Variants in CNKSR2 observed in about 807,000 individuals in gnomAD.
CNKSR2 encodes connector enhancer of kinase suppressor of Ras 2, also known as CNK homolog protein 2.
A neutral mutation model predicts 84.4 loss-of-function variants in CNKSR2; 14 were observed. The observed-to-expected ratio is 0.17, with a 90% CI of 0.11 to 0.26. The LOEUF (loss-of-function observed/expected upper bound fraction) is 0.26, where lower values mean the gene tolerates loss of function less well. CNKSR2 is among the 10% of genes least tolerant of loss of function. The probability of loss-of-function intolerance (pLI) is 1.00; values close to 1 mark genes in which losing one functional copy is unlikely to be tolerated. For missense variants in CNKSR2, 485 were observed against 771.2 expected (o/e 0.63, Z 4.40); for synonymous variants, 275 against 277.9 (o/e 0.99, Z 0.10).
chrX:21,649,668 T>C (rs1156901544), intron 21 of CNKSR2, among the ~76,000 whole-genome samples: 1 of 110,950 alleles, frequency 9.0e-6, no homozygotes, highest in African/African-American at 3.3e-5. Flanking sequence ...AGGCAGAAAG[T>C]TGGAAAAGGA....
chrX:21,502,286 T>G lies in CNKSR2; in HGVS notation c.810+698T>G, dbSNP rs142526771. 3.7e-3 allele frequency among the ~76,000 whole-genome samples: 379 copies of G among 103,356 alleles called. 1 individual carries two copies. The highest frequency in any genetic ancestry group is 0.013 in the African/African-American group (372 of 28,973). The allele number at this position is 103,356 out of a possible 115,157, so 89.8% of individuals were successfully genotyped here. A position where few individuals can be genotyped will look rare whatever the true frequency, so the allele number is the denominator to read the frequency against. Reference sequence around the variant, plus strand: ...AGGGTTATTTTTCTTAAACTTAGGTTTAGAAAATGAACATTATATGCTTTT... The same window carrying G: ...AGGGTTATTTTTCTTAAACTTAGGTGTAGAAAATGAACATTATATGCTTTT... On this transcript the variant is annotated intron_variant, in intron 8 of 21. Transcript: ENST00000379510.
chrX:21,383,526 C>G (rs907814644), intron 1 of CNKSR2, among the ~76,000 whole-genome samples: 1 of 112,192 alleles, frequency 8.9e-6, no homozygotes, highest in East Asian at 2.8e-4. Flanking sequence ...TGTTACATAA[C>G]TAATATCAAG....
At chrX:21,473,813 C>T (rs1205334172) in intron 5 of CNKSR2, among the ~76,000 whole-genome samples, 2 of 91,735 alleles carry the variant, frequency 2.2e-5, no homozygotes, top group Non-Finnish European at 4.1e-5. Flanking sequence ...GTAGTGCGAT[C>T]TTGGCTCACT....
At chrX:21,420,580 G>A (rs181272151) in intron 1 of CNKSR2, among the ~76,000 whole-genome samples, 120 of 110,982 alleles carry the variant, frequency 1.1e-3, no homozygotes, top group African/African-American at 3.5e-3. Flanking sequence ...GGGTATCATT[G>A]CTGCTTTTTC....
At chrX:21,629,978 A>G (rs1417667857) in intron 20 of CNKSR2, among the ~76,000 whole-genome samples, 1 of 112,098 alleles carries the variant, frequency 8.9e-6, no homozygotes, top group Non-Finnish European at 1.9e-5. Context: ...TCATTAACTG[A>G]TCAGTCTTTG....
intron 13 of CNKSR2, among the ~76,000 whole-genome samples, chrX:21,565,957 C>CA (rs1413600328): frequency 2.8e-4 from 30 of 108,283 alleles, no homozygotes; most frequent in East Asian, 2.0e-3. Flanking sequence ...AGCTGTTTTG[C>CA]AAAAAAAAAT....
chrX:21,648,955 T>C lies in CNKSR2; in HGVS notation c.2817T>C (p.Phe939=), dbSNP rs1357811916. Residue 939 remains phenylalanine, a synonymous_variant, in exon 21 of 22, where the codon TTT becomes TTC. Transcript: ENST00000379510. Reference sequence around the variant, plus strand: ...CCAAGATGGAATACAAGCTATCATTTATAAAAAGATGTAATGATCCTGTAA... The same window carrying C: ...CCAAGATGGAATACAAGCTATCATTCATAAAAAGATGTAATGATCCTGTAA... ...ISTKMEYKLS[F]IKRCNDPVMN... 1 of 1,203,291 alleles carries C rather than the reference T, an allele frequency of 8.3e-7. No homozygotes were observed. The highest frequency in any genetic ancestry group is 1.1e-6 in the Non-Finnish European group (1 of 888,590).
chrX:21,482,072 T>C (rs1343335319), intron 5 of CNKSR2, among the ~76,000 whole-genome samples: 1 of 111,853 alleles, frequency 8.9e-6, no homozygotes, highest in African/African-American at 3.3e-5. Context: ...TAGTAATTTG[T>C]TACACAGCTA....
intron 20 of CNKSR2, 55 bp from the exon 21 acceptor site, chrX:21,648,770 TTCTCTC>T (rs1229529311): frequency 3.0e-5 from 23 of 754,781 alleles, no homozygotes; most frequent in Admixed American, 8.3e-5. Context: ...TCATTTCTCT[TTCTCTC>T]TCTCTCTCTC....
chrX:21,652,888 T>C lies in CNKSR2; in HGVS notation c.*367T>C. 7.9e-6 allele frequency: 1 copy of C among 126,860 alleles called. No individual in the cohort carries two copies. Among genetic ancestry groups the C allele is most frequent in the Non-Finnish European group, 1.6e-5 (1 of 62,589 alleles). 10.5% of individuals were successfully genotyped at this position (126,860 alleles called of 1,213,427 possible). On this transcript the variant is annotated 3_prime_UTR_variant, in exon 22 of 22. Transcript: ENST00000379510. ...TTTTATATAAACAAGACTTCAAAAG[T>C]AAATCACATTTTTTCAGGTGCAGAC...
chrX:21,503,901 T>C (rs1345879572), intron 8 of CNKSR2: 1 of 111,540 alleles, frequency 9.0e-6, no homozygotes, highest in African/African-American at 3.3e-5. Flanking sequence ...CTTTCTTCTC[T>C]TTTACCTGCT....
At chrX:21,469,068 C>T (rs948195991) in intron 4 of CNKSR2, among the ~76,000 whole-genome samples, 5 of 112,066 alleles carry the variant, frequency 4.5e-5, no homozygotes, top group Non-Finnish European at 7.5e-5. Context: ...AGTTACTTTC[C>T]GTATGATTAT....
At chrX:21,387,368 G>A (rs763170793) in intron 1 of CNKSR2, among the ~76,000 whole-genome samples, 1 of 111,185 alleles carries the variant, frequency 9.0e-6, no homozygotes, top group African/African-American at 3.3e-5. Context: ...TTTAGTCCCA[G>A]CTACTCAGGT....
At chrX:21,571,756 G>A (rs940310747) in intron 13 of CNKSR2, among the ~76,000 whole-genome samples, 2 of 112,179 alleles carry the variant, frequency 1.8e-5, no homozygotes, top group African/African-American at 6.5e-5. Flanking sequence ...TGGAAAAACT[G>A]TGATATTACT....
At chrX:21,419,183 C>T (rs2090461486) in intron 1 of CNKSR2, among the ~76,000 whole-genome samples, 2 of 110,547 alleles carry the variant, frequency 1.8e-5, no homozygotes, top group South Asian at 7.7e-4. Flanking sequence ...TTAAAAGACT[C>T]TGATGCATTT....
chrX:21,410,645 C>A (rs148679108), intron 1 of CNKSR2, among the ~76,000 whole-genome samples: 4,301 of 111,374 alleles, frequency 0.039, 75 homozygotes, highest in African/African-American at 0.049. Flanking sequence ...TACTAACATT[C>A]ATAGCTTTAT....
At chrX:21,649,069 C>T (rs756030118) in intron 21 of CNKSR2, 42 bp downstream of exon 21, 1 of 1,007,854 alleles carries the variant, frequency 9.9e-7, no homozygotes, top group Admixed American at 2.5e-5. Flanking sequence ...TGAAGAGATT[C>T]ATTCTTAAAG....
At chrX:21,473,337 T>C (rs2091220504) in intron 5 of CNKSR2, among the ~76,000 whole-genome samples, 1 of 112,303 alleles carries the variant, frequency 8.9e-6, no homozygotes, top group African/African-American at 3.2e-5. Context: ...AGGTTGTATG[T>C]ATACTTGTAT....
intron 1 of CNKSR2, among the ~76,000 whole-genome samples, chrX:21,388,181 G>A (rs1036364893): frequency 8.9e-6 from 1 of 111,991 alleles, no homozygotes; most frequent in Non-Finnish European, 1.9e-5. Context: ...TTACAGGTAT[G>A]AGCCACCGCG....
Sources: gnomAD v4.1 joint callset for allele counts (sites outside exome capture counted in the v4.1 genomes callset) on GRCh38, gnomAD v4.1.1 for gene constraint, MANE v1.5 for transcripts, NCBI Gene and HGNC (gene_info 2026-07-23, HGNC 2026-07-21) for gene names.